The following USP11 variants were observed in gnomAD, a reference collection of about 807,000 sequenced individuals.
USP11 encodes ubiquitin specific peptidase 11, also known as ubiquitin carboxyl-terminal hydrolase 11.
USP11 carries 5 observed loss-of-function variants against 72.8 expected under a neutral mutation model. The observed-to-expected ratio is 0.07, with a 90% CI of 0.04 to 0.14. The LOEUF is 0.14. USP11 is among the 10% of genes least tolerant of loss of function. The pLI is 1.00. For missense variants in USP11, 480 were observed against 794.7 expected, an observed-to-expected ratio of 0.60 and a Z score of 4.76; for synonymous variants, 368 against 326.5, an observed-to-expected ratio of 1.13 and a Z score of -1.37.
Position 47,233,197 on chromosome X carries a change from C to T in USP11, c.154C>T (p.Pro52Ser). The change falls in exon 1 of 21, where the codon CCA (proline) becomes TCA (serine). Residue 52 changes from proline (P) to serine (S), a missense_variant. By Grantham distance (74) the Pro-to-Ser change is moderately conservative. This residue lies in a region of USP11 where 71 missense variants were observed against 71.4 expected (regional missense o/e 0.99). Coordinates refer to ENST00000377107, the MANE Select transcript of USP11 (RefSeq NM_001371072.1). ...AAACGGCGAGAGTGGGCGAGAACGT[C>T]CACTGCGGGCCGGCGAAAGCTGGTG... ...IENGESGRERPLRAGESWFLV... is the reference protein window; with the variant it reads ...IENGESGRERSLRAGESWFLV... The T allele has an allele frequency of 8.5e-7, 1 of 1,174,063 alleles. No individual in the cohort carries two copies.
rs184189674 is a variant in USP11 at position 47,233,470 on chromosome X, A to G, written c.176+251A>G. The G allele has an allele frequency of 2.9e-6, 3 of 1,019,060 alleles. No individual in the cohort carries two copies. The African/African-American group carries it at 5.9e-5, about 20-fold the overall frequency. The allele number at this position is 1,019,060 out of a possible 1,213,427, so 84.0% of individuals were successfully genotyped here. On this transcript the variant is annotated intron_variant, in intron 1 of 20. Coordinates refer to ENST00000377107, the MANE Select transcript of USP11 (RefSeq NM_001371072.1). ...AAATGGGGTTTGTTGTGATGAGACC[A>G]GTTTCGGTCCTGGAGGTGGGGCCGG...
rs2055438078 is a variant in USP11 at position 47,247,056 on chromosome X, C to CG, written c.2271-13dup. On this transcript the variant is annotated splice_polypyrimidine_tract_variant and intron_variant, in intron 17 of 20. Transcript: ENST00000377107. Reference sequence around the variant, plus strand: ...AAAAGAAAAAGTCCGTTTGCTGACTCGGGCTCTGTCTGTAGGTACTGCCCT... The same window carrying CG: ...AAAAGAAAAAGTCCGTTTGCTGACTCGGGGCTCTGTCTGTAGGTACTGCCCT... The CG allele has an allele frequency of 4.2e-6, 5 of 1,186,731 alleles. No homozygotes were observed. The highest frequency in any genetic ancestry group is 4.5e-6 in the Non-Finnish European group (4 of 886,795).
chrX:47,243,546 G>T lies in USP11; in HGVS notation c.1734G>T (p.Val578=). ...TTGGACACCCCCTCCTGGTATCAGT[G>T]CCCCGGGACCGCTTCACCTGGGAGG... ...MLFGHPLLVS[V]PRDRFTWEGL... is the part of the protein sequence containing the mutation. The change falls in exon 13 of 21, where the codon GTG becomes GTT. Residue 578 remains valine, a synonymous_variant. Transcript: ENST00000377107. 8.3e-7 allele frequency: 1 copy of T among 1,211,882 alleles called. No homozygotes were observed. Among genetic ancestry groups the T allele is most frequent in the Non-Finnish European group, 1.1e-6 (1 of 895,557 alleles).
intron 13 of USP11, 79 bp downstream of exon 13, chrX:47,243,681 C>T: frequency 1.0e-6 from 1 of 958,465 alleles, no homozygotes; most frequent in Non-Finnish European, 1.5e-6. Context: ...TATTTGACAC[C>T]TCCCCTGTAA....
At chrX:47,246,854 C>T (rs891799299) in intron 17 of USP11, among the ~76,000 whole-genome samples, 2 of 110,300 alleles carry the variant, frequency 1.8e-5, no homozygotes, top group Non-Finnish European at 3.8e-5. Context: ...AACCCTGTCT[C>T]TATTAAAAAT....
chrX:47,239,254 C>G (rs2055390105), intron 2 of USP11, 75 bp downstream of exon 2: 1 of 1,173,289 alleles, frequency 8.5e-7, no homozygotes, highest in South Asian at 1.9e-5. Context: ...TGATCATAAG[C>G]CCATTCTGTG....
rs778278623 is a variant in USP11, at chrX:47,240,317, G to A, written c.548G>A (p.Arg183His). Residue 183 changes from arginine (R) to histidine (H), a missense_variant, in exon 5 of 21, where the codon CGC (arginine) becomes CAC (histidine). Coordinates refer to ENST00000377107, the MANE Select transcript of USP11 (RefSeq NM_001371072.1). ...TCACCCCGCACAGGCCTAGTATTGCGCACAGCTCGGGAGCGGTTTCTGGTG... is the reference window on the plus strand; with the variant it reads ...TCACCCCGCACAGGCCTAGTATTGCACACAGCTCGGGAGCGGTTTCTGGTG... The part of the protein sequence containing the change: ...SHTDSIGLVL[R>H]TARERFLVEP... The A allele has an allele frequency of 6.6e-6, 8 of 1,210,621 alleles. No homozygotes were observed. Among genetic ancestry groups the A allele is most frequent in the Middle Eastern group, 2.3e-4 (1 of 4,354 alleles).
chrX:47,246,096 C>T (rs116833625), intron 17 of USP11, among the ~76,000 whole-genome samples: 1,139 of 112,212 alleles, frequency 0.01, 7 homozygotes, highest in African/African-American at 0.035. Context: ...TCCCCACCAT[C>T]CCTCTCCATC....
At chrX:47,239,758 A>G (rs2055392599) in intron 3 of USP11, 32 bp from the exon 4 acceptor site, 8 of 1,180,776 alleles carry the variant, frequency 6.8e-6, no homozygotes, top group Non-Finnish European at 9.2e-6. Context: ...CTGTGTGAGT[A>G]CACCTGTGTC....
At chrX:47,241,153 C>T (rs1372059803) in intron 7 of USP11, 124 bp from the exon 8 acceptor site, 2 of 736,811 alleles carry the variant, frequency 2.7e-6, no homozygotes, top group Non-Finnish European at 3.9e-6. Context: ...CTGCTCCTCT[C>T]TCTCCTCCCT....
At position 47,242,478 on chromosome X, in the gene USP11, C is replaced by A; in HGVS notation, c.1444C>A (p.Leu482Ile). 1 of 1,211,989 alleles carries A rather than the reference C, an allele frequency of 8.3e-7. No individual in the cohort carries two copies. The highest frequency in any genetic ancestry group is 1.1e-6 in the Non-Finnish European group (1 of 895,591). The change falls in exon 11 of 21, where the codon CTA becomes ATA. Residue 482 changes from leucine (L) to isoleucine (I), a missense_variant. Physicochemically the swap from Leu to Ile is conservative, Grantham distance 5. Around this residue, in one of 5 missense-constraint regions of USP11, gnomAD observed 314 missense variants for 556.0 expected, o/e 0.56. Coordinates refer to ENST00000377107, the MANE Select transcript of USP11 (RefSeq NM_001371072.1). The part of the protein sequence containing the change: ...VVPKKGKISD[L>I]CVALSKHTGI... ...CCCCAAGAAAGGCAAGATCTCGGAT[C>A]TATGTGTGGCTCTGTCCAAACACAC...
rs57112058 is a variant in USP11, at chrX:47,238,487, CTTTTTTTTTTT to C, written c.177-569_177-559del. Among the ~76,000 whole-genome samples, 15 of 44,315 alleles carry C rather than the reference CTTTTTTTTTTT, an allele frequency of 3.4e-4. 1 individual carries two copies. Among genetic ancestry groups the C allele is most frequent in the Admixed American group, 1.0e-3 (3 of 2,952 alleles). The allele number at this position is 44,315 out of a possible 115,157, so 38.5% of individuals were successfully genotyped here. A position where few individuals can be genotyped will look rare whatever the true frequency, so the allele number is the denominator to read the frequency against. The stretch of plus-strand genomic sequence containing the variant: ...ACTGGCGTGAGCCACTGTGCCCGGT[CTTTTTTTTTTT>C]TTTTTTTTTTTTTCAGTATGCAGTT... On this transcript the variant is annotated intron_variant, in intron 1 of 20. Transcript: ENST00000377107.
In USP11 at chrX:47,239,476, C is replaced by T. The variant is rs778641852; in HGVS notation, c.412C>T (p.Arg138Cys). The T allele has an allele frequency of 3.3e-6, 4 of 1,211,169 alleles. No homozygotes were observed. In the Admixed American group the frequency reaches 8.7e-5, roughly 26 times the overall value. The change falls in exon 3 of 21, where the codon CGC becomes TGC. Residue 138 changes from arginine to cysteine, a missense_variant. Around this residue, in one of 5 missense-constraint regions of USP11, gnomAD observed 14 missense variants for 46.4 expected, o/e 0.30. Transcript: ENST00000377107. ...GLEHGQPPIE[R>C]KVIELPNIQK... ...AGAGCATGGCCAGCCACCCATTGAA[C>T]GCAAGGTATAATGGATGGGGAGGGT...
intron 1 of USP11, among the ~76,000 whole-genome samples, chrX:47,237,356 CA>C (rs925449565): frequency 4.5e-5 from 5 of 109,979 alleles, no homozygotes; most frequent in Non-Finnish European, 9.5e-5. Flanking sequence ...GTCAGTGCAG[CA>C]AAAAAACAAA....
chrX:47,242,135 C>A lies in USP11; in HGVS notation c.1233C>A (p.Ile411=). The change falls in exon 10 of 21, where the codon ATC becomes ATA. Residue 411 remains isoleucine, a synonymous_variant. Transcript: ENST00000377107. ...ACAAACGGCGGAACGATTCTGTGAT[C>A]GTGGACACTTTCCACGGCCTCTTCA... ...QNHKRRNDSV[I]VDTFHGLFKS... 1 of 1,211,394 alleles carries A rather than the reference C, an allele frequency of 8.3e-7. No individual in the cohort carries two copies. The highest frequency in any genetic ancestry group is 1.8e-5 in the South Asian group (1 of 56,814).
chrX:47,245,098 C>A lies in USP11; in HGVS notation c.2157+12C>A. The A allele has an allele frequency of 8.3e-7, 1 of 1,208,107 alleles. No individual in the cohort carries two copies. The highest frequency in any genetic ancestry group is 1.1e-6 in the Non-Finnish European group (1 of 893,196). ...AGGTAGAGGCTGAGGTAAATGAGATCCCAGGGATGGGGGGTACTTCCAGCT... is the reference window on the plus strand; with the variant it reads ...AGGTAGAGGCTGAGGTAAATGAGATACCAGGGATGGGGGGTACTTCCAGCT... On this transcript the variant is annotated intron_variant, in intron 16 of 20. Coordinates refer to ENST00000377107, the MANE Select transcript of USP11 (RefSeq NM_001371072.1).
chrX:47,239,403 G>A lies in USP11; in HGVS notation c.339G>A (p.Val113=). Residue 113 remains valine, a synonymous_variant, in exon 3 of 21, where the codon GTG becomes GTA. Transcript: ENST00000377107. ...GACTGGTGGAAGGCGAGGATTATGT[G>A]CTGCTCCCAGCAGCTGCTTGGCATT... The part of the protein sequence containing the change: ...KEGLVEGEDY[V]LLPAAAWHYL... The A allele has an allele frequency of 1.7e-6, 2 of 1,211,539 alleles. No homozygotes were observed. Among genetic ancestry groups the A allele is most frequent in the South Asian group, 3.5e-5 (2 of 56,789 alleles).
intron 7 of USP11, 97 bp downstream of exon 7, chrX:47,240,973 CA>C (rs2055399518): frequency 2.3e-6 from 2 of 888,513 alleles, no homozygotes; most frequent in Non-Finnish European, 3.2e-6. Context: ...GACTACAGGG[CA>C]AGGGGTCAGG....
At chrX:47,238,487 C>CTTTTTTTTTT (rs57112058) in intron 1 of USP11, among the ~76,000 whole-genome samples, 2 of 44,313 alleles carry the variant, frequency 4.5e-5, no homozygotes, top group Non-Finnish European at 7.3e-5. Context: ...TGTGCCCGGT[C>CTTTTTTTTTT]TTTTTTTTTT....
Sources: allele counts gnomAD v4.1 joint callset (sites outside exome capture counted in the v4.1 genomes callset), GRCh38; gene constraint gnomAD v4.1.1; regional missense constraint gnomAD v4.1.1; transcripts MANE v1.5; gene names NCBI Gene and HGNC (gene_info 2026-07-23, HGNC 2026-07-21).